SLC60A2: variants seen among roughly 807,000 people sequenced by gnomAD.
SLC60A2 encodes the protein major facilitator superfamily domain containing 4B.
chr6:111,267,229 G>A, the SLC60A2 span: 1 of 1,116,980 alleles, frequency 9.0e-7, no homozygotes, highest in Non-Finnish European at 1.3e-6. Flanking sequence ...AAAATTTTTA[G>A]GTCCATATTA....
the SLC60A2 span, among the ~76,000 whole-genome samples, chr6:111,274,986 G>A: frequency 1.3e-5 from 2 of 151,886 alleles, no homozygotes; most frequent in African/African-American, 2.4e-5. Flanking sequence ...GCAGTGGTGT[G>A]ATCATAGCTC....
At chr6:111,264,032 GC>G in the SLC60A2 span, 1 of 683,234 alleles carries the variant, frequency 1.5e-6, no homozygotes, top group Admixed American at 2.1e-5. Context: ...CACTTGCAAT[GC>G]CCCCTAAAAT....
the SLC60A2 span, chr6:111,259,396 G>T: frequency 1.0e-5 from 4 of 383,124 alleles, no homozygotes; most frequent in African/African-American, 6.2e-5. Context: ...CCTCTTCTCT[G>T]CCCCGGTTCC....
the SLC60A2 span, chr6:111,259,643 G>A: frequency 3.9e-6 from 6 of 1,541,424 alleles, 1 homozygote; most frequent in Non-Finnish European, 4.4e-6. Flanking sequence ...CGGAGGTGGT[G>A]GTGGTCTCCT....
chr6:111,266,350 AAG>A, the SLC60A2 span: 1 of 1,614,062 alleles, frequency 6.2e-7, no homozygotes, highest in Non-Finnish European at 8.5e-7. Flanking sequence ...GCTGGCATGA[AAG>A]AAAGTGAAGC....
At chr6:111,265,896 G>A in the SLC60A2 span, 2 of 1,609,768 alleles carry the variant, frequency 1.2e-6, no homozygotes, top group Non-Finnish European at 1.7e-6. Context: ...CCTTATCTTG[G>A]CTATTTGGGG....
At chr6:111,259,727 G>C in the SLC60A2 span, 2 of 1,588,998 alleles carry the variant, frequency 1.3e-6, no homozygotes, top group Non-Finnish European at 1.7e-6. Context: ...TCCTGGGGCT[G>C]GTGAGAGCCG....
chr6:111,264,461 A>G, the SLC60A2 span, among the ~76,000 whole-genome samples: 1 of 152,064 alleles, frequency 6.6e-6, no homozygotes, highest in Non-Finnish European at 1.5e-5. Context: ...CTCCTGCAGT[A>G]GATTCTTTCC....
the SLC60A2 span, among the ~76,000 whole-genome samples, chr6:111,279,959 C>A: frequency 2.0e-5 from 3 of 152,146 alleles, no homozygotes; most frequent in African/African-American, 7.2e-5. Flanking sequence ...GTTTACATAG[C>A]TTTGTACCAT....
At chr6:111,274,231 A>AT in the SLC60A2 span, among the ~76,000 whole-genome samples, 1 of 152,052 alleles carries the variant, frequency 6.6e-6, no homozygotes, top group East Asian at 1.9e-4. Flanking sequence ...AGCCTTTTGA[A>AT]TTGATCTCTT....
the SLC60A2 span, chr6:111,268,484 C>T: frequency 1.4e-3 from 219 of 152,332 alleles, no homozygotes; most frequent in African/African-American, 5.1e-3. Context: ...AGTATCTTTA[C>T]AGACATTTTA....
At chr6:111,274,892 A>T in the SLC60A2 span, among the ~76,000 whole-genome samples, 1 of 152,208 alleles carries the variant, frequency 6.6e-6, no homozygotes, top group African/African-American at 2.4e-5. Flanking sequence ...ATTGGTTCTT[A>T]CACTGTGACT....
At chr6:111,265,208 G>A in the SLC60A2 span, 1 of 818,552 alleles carries the variant, frequency 1.2e-6, no homozygotes, top group South Asian at 5.6e-5. Context: ...TTTACTTTAG[G>A]GTTAATTTTG....
the SLC60A2 span, chr6:111,266,930 G>A: frequency 2.5e-6 from 4 of 1,614,094 alleles, no homozygotes; most frequent in Admixed American, 6.7e-5. Flanking sequence ...ATTTTGAAAT[G>A]ATTGAAACGA....
chr6:111,265,381 C>G, the SLC60A2 span: 1 of 985,234 alleles, frequency 1.0e-6, no homozygotes, highest in Non-Finnish European at 1.2e-6. Context: ...ATGGGCATAC[C>G]AGAATCCTGG....
At chr6:111,266,669 TC>T in the SLC60A2 span, 8 of 1,614,218 alleles carry the variant, frequency 5.0e-6, no homozygotes, top group East Asian at 4.5e-5. Context: ...AAATGGCTAT[TC>T]CTGCAGTCAT....
the SLC60A2 span, chr6:111,266,673 G>A: frequency 6.2e-7 from 1 of 1,614,162 alleles, no homozygotes; most frequent in Non-Finnish European, 8.5e-7. Flanking sequence ...GGCTATTCCT[G>A]CAGTCATTGG....
At chr6:111,279,673 G>C in the SLC60A2 span, among the ~76,000 whole-genome samples, 2 of 152,210 alleles carry the variant, frequency 1.3e-5, no homozygotes, top group South Asian at 2.1e-4. Context: ...CAAAAGCTCA[G>C]ATCTTTTGGA....
the SLC60A2 span, among the ~76,000 whole-genome samples, chr6:111,263,541 T>C: frequency 9.2e-5 from 14 of 152,350 alleles, no homozygotes; most frequent in East Asian, 2.5e-3. Flanking sequence ...TCATTTAAAT[T>C]AGTTTTGGCT....
Sources: allele counts gnomAD v4.1 joint callset (sites outside exome capture counted in the v4.1 genomes callset), GRCh38; gene constraint gnomAD v4.1.1; transcripts MANE v1.5; gene names NCBI Gene and HGNC (gene_info 2026-07-23, HGNC 2026-07-21).